Variants in ARHGAP28 observed in about 807,000 individuals in gnomAD.
ARHGAP28 encodes rho GTPase-activating protein 28.
Under a neutral mutation model 90.7 loss-of-function variants are expected in ARHGAP28, and 56 were observed. That is an observed-to-expected ratio of 0.62 (90% CI 0.50 to 0.77). ARHGAP28 has a LOEUF of 0.77. ARHGAP28 is among the 30% of genes least tolerant of loss of function. The pLI is 0.00. For synonymous variants in ARHGAP28, 308 were observed against 323.3 expected (o/e 0.95, Z 0.51); for missense variants, 869 against 900.9 (o/e 0.96, Z 0.45).
Position 6,824,729 on chromosome 18 carries a change from C to A in ARHGAP28, c.123-33C>A, listed in dbSNP as rs775043853. ...GGCTTTATAACATAAAAATATAACC[C>A]GTTTTTATTCATAGATATTATTCTT... On this transcript the variant is annotated intron_variant, in intron 1 of 17. Transcript: ENST00000383472. 3.4e-6 allele frequency: 5 copies of A among 1,476,364 alleles called. No homozygotes were observed. In the Admixed American group the frequency reaches 1.2e-4, roughly 35 times the overall value. 91.5% of individuals were successfully genotyped at this position (1,476,364 alleles called of 1,614,324 possible).
At chr18:6,773,912 TG>T (rs1351581357) in intron 1 of ARHGAP28, 2 of 152,192 alleles carry the variant, frequency 1.3e-5, no homozygotes, top group African/African-American at 4.8e-5. Context: ...AGGAAATGGA[TG>T]GAAGTTTGAG....
chr18:6,805,498 T>C (rs2056511771), intron 1 of ARHGAP28, among the ~76,000 whole-genome samples: 1 of 146,154 alleles, frequency 6.8e-6, no homozygotes, highest in Admixed American at 6.7e-5. Flanking sequence ...TTTTTTTTTT[T>C]TTTTGAAACG....
intron 1 of ARHGAP28, among the ~76,000 whole-genome samples, chr18:6,752,096 G>T (rs1226075089): frequency 6.6e-6 from 1 of 152,086 alleles, no homozygotes; most frequent in East Asian, 1.9e-4. Context: ...TTTCAAGGTG[G>T]TCATTATTAT....
chr18:6,894,221 A>G (rs1255868442), intron 14 of ARHGAP28, among the ~76,000 whole-genome samples: 1 of 152,126 alleles, frequency 6.6e-6, no homozygotes, highest in Non-Finnish European at 1.5e-5. Context: ...TTCATTAACA[A>G]GTTATAAATT....
intron 1 of ARHGAP28, among the ~76,000 whole-genome samples, chr18:6,787,433 A>T (rs2056374327): frequency 6.6e-6 from 1 of 152,144 alleles, no homozygotes; most frequent in Non-Finnish European, 1.5e-5. Context: ...GGTTATTAAG[A>T]TACTTATTTT....
At chr18:6,769,624 A>G (rs1242941631) in intron 1 of ARHGAP28, among the ~76,000 whole-genome samples, 3 of 152,198 alleles carry the variant, frequency 2.0e-5, no homozygotes, top group African/African-American at 4.8e-5. Context: ...AAATTTGCTC[A>G]AGATCATGCA....
intron 2 of ARHGAP28, among the ~76,000 whole-genome samples, chr18:6,826,308 A>AT (rs913990113): frequency 1.2e-4 from 18 of 151,798 alleles, no homozygotes; most frequent in Non-Finnish European, 2.4e-4. Flanking sequence ...TCCTTTGCCC[A>AT]TTTTTTAATG....
intron 11 of ARHGAP28, 130 bp from the exon 12 acceptor site, chr18:6,887,027 G>A: frequency 1.3e-6 from 1 of 741,434 alleles, no homozygotes; most frequent in Non-Finnish European, 2.3e-6. Flanking sequence ...ACATTGCTGG[G>A]CACAAAACCT....
chr18:6,765,118 G>C (rs1460422019), intron 1 of ARHGAP28, among the ~76,000 whole-genome samples: 2 of 152,108 alleles, frequency 1.3e-5, no homozygotes, highest in Non-Finnish European at 1.5e-5. Context: ...ATAGGTTTTT[G>C]TTCTGGTAAT....
chr18:6,748,817 A>T (rs1555623522), intron 1 of ARHGAP28, among the ~76,000 whole-genome samples: 1 of 152,024 alleles, frequency 6.6e-6, no homozygotes, highest in Non-Finnish European at 1.5e-5. Context: ...CCTTTTTTAA[A>T]CCCTCACATC....
intron 1 of ARHGAP28, among the ~76,000 whole-genome samples, chr18:6,746,203 T>G (rs2056021858): frequency 6.6e-6 from 1 of 152,158 alleles, no homozygotes. Flanking sequence ...ATAGTGAGAC[T>G]CCAGGTCTCA....
chr18:6,902,437 G>GT (rs964962800), intron 16 of ARHGAP28, among the ~76,000 whole-genome samples: 13 of 152,016 alleles, frequency 8.6e-5, no homozygotes, highest in East Asian at 7.7e-4. Context: ...GATCCTACCA[G>GT]TTTTTTTAAA....
intron 1 of ARHGAP28, among the ~76,000 whole-genome samples, chr18:6,739,404 TATA>T (rs916306322): frequency 6.6e-6 from 1 of 151,962 alleles, no homozygotes; most frequent in African/African-American, 2.4e-5. Context: ...TTGATTTAAA[TATA>T]ATAATATATT....
Position 6,896,585 on chromosome 18 carries a change from C to A in ARHGAP28, c.1989C>A (p.Thr663=), listed in dbSNP as rs1567986640. Residue 663 remains threonine (T), a synonymous_variant, in exon 16 of 18, where the codon ACC becomes ACA. Coordinates refer to ENST00000383472, the MANE Select transcript of ARHGAP28 (RefSeq NM_001366230.1). The part of the protein sequence containing the change: ...VSMAIQLNNQ[T]KAKDILAKFQ... ...TGGCCATTCAACTCAACAATCAAACCAAAGCCAAAGACATATTGGCAAAAT... is the reference window on the plus strand; with the variant it reads ...TGGCCATTCAACTCAACAATCAAACAAAAGCCAAAGACATATTGGCAAAAT... 3.7e-6 allele frequency: 6 copies of A among 1,614,084 alleles called. No individual in the cohort carries two copies. The South Asian group carries it at 5.5e-5, about 15-fold the overall frequency.
At chr18:6,886,863 G>A (rs534747296) in intron 11 of ARHGAP28, among the ~76,000 whole-genome samples, 1 of 152,230 alleles carries the variant, frequency 6.6e-6, no homozygotes, top group East Asian at 1.9e-4. Context: ...AGTATTAAAG[G>A]AAGGGAAGGT....
At chr18:6,837,114 C>A in intron 2 of ARHGAP28, 83 bp from the exon 3 acceptor site, 1 of 982,362 alleles carries the variant, frequency 1.0e-6, no homozygotes, top group South Asian at 1.6e-5. Flanking sequence ...ATATTATTTA[C>A]CAATACTTCT....
In ARHGAP28 at chr18:6,870,483, C is replaced by T. The variant is rs916440323; in HGVS notation, c.812-107C>T. The T allele has an allele frequency of 4.7e-5, 54 of 1,160,146 alleles. 1 individual carries two copies. The highest frequency in any genetic ancestry group is 7.8e-5 in the African/African-American group (5 of 63,726). The allele number at this position is 1,160,146 out of a possible 1,614,324, so 71.9% of individuals were successfully genotyped here. A position where few individuals can be genotyped will look rare whatever the true frequency, so the allele number is the denominator to read the frequency against. The stretch of plus-strand genomic sequence containing the variant: ...TTTTCCTCGCATATAAACACTGTAA[C>T]GTGCTTGTGGATTCACTTGTAAATA... On this transcript the variant is annotated intron_variant, in intron 6 of 17. Coordinates refer to ENST00000383472, the MANE Select transcript of ARHGAP28 (RefSeq NM_001366230.1).
chr18:6,860,659 G>A (rs1026012440), intron 5 of ARHGAP28, among the ~76,000 whole-genome samples: 3 of 152,160 alleles, frequency 2.0e-5, no homozygotes, highest in South Asian at 2.1e-4. Context: ...TGTCCATTTC[G>A]AGAAACAAGG....
At chr18:6,906,481 A>T (rs956358680) in intron 16 of ARHGAP28, among the ~76,000 whole-genome samples, 6 of 152,178 alleles carry the variant, frequency 3.9e-5, no homozygotes, top group Non-Finnish European at 7.4e-5. Context: ...TCTGAATTTG[A>T]CTATTCCAGC....
Sources: allele counts gnomAD v4.1 joint callset (sites outside exome capture counted in the v4.1 genomes callset), GRCh38; gene constraint gnomAD v4.1.1; transcripts MANE v1.5; gene names NCBI Gene and HGNC (gene_info 2026-07-23, HGNC 2026-07-21).